The following KATNAL1 variants were observed in gnomAD, a reference collection of about 807,000 sequenced individuals.
KATNAL1 encodes katanin catalytic subunit A1 like 1, also known as katanin p60 ATPase-containing subunit A-like 1.
In KATNAL1, 32 loss-of-function variants were observed where a neutral mutation model predicts 55.2. The ratio of observed to expected loss-of-function variants is 0.58; its 90% CI spans 0.44 to 0.78. The LOEUF is 0.78. Among genes scored for constraint, KATNAL1 ranks in the 30% least tolerant of loss-of-function variants. The probability of loss-of-function intolerance (pLI) is 0.00; values close to 1 mark genes in which losing one functional copy is unlikely to be tolerated. For missense variants in KATNAL1, 466 were observed against 600.9 expected (o/e 0.78, Z 2.35); for synonymous variants, 193 against 193.6 (o/e 1.00, Z 0.02).
intron 4 of KATNAL1, among the ~76,000 whole-genome samples, chr13:30,242,432 T>C (rs1036852768): frequency 1.3e-5 from 2 of 152,206 alleles, no homozygotes; most frequent in Non-Finnish European, 1.5e-5. Flanking sequence ...CATGCTATTG[T>C]GCATTAGGTT....
intron 9 of KATNAL1, 86 bp downstream of exon 9, chr13:30,227,326 G>T: frequency 7.6e-7 from 1 of 1,315,776 alleles, no homozygotes; most frequent in South Asian, 1.5e-5. Context: ...ACTTCTTTAA[G>T]CAGAATGGCA....
chr13:30,231,567 T>TC, intron 6 of KATNAL1, 95 bp from the exon 7 acceptor site: 1 of 755,960 alleles, frequency 1.3e-6, no homozygotes, highest in South Asian at 4.4e-5. Context: ...GATTTTTCCA[T>TC]CAAAAGATAA....
intron 1 of KATNAL1, among the ~76,000 whole-genome samples, chr13:30,284,631 A>C (rs1050922720): frequency 1.3e-5 from 2 of 152,294 alleles, no homozygotes; most frequent in East Asian, 1.9e-4. Flanking sequence ...AAATCTAAGC[A>C]AACACCTATA....
intron 3 of KATNAL1, among the ~76,000 whole-genome samples, chr13:30,264,176 T>C (rs1215510619): frequency 2.0e-5 from 3 of 151,042 alleles, no homozygotes; most frequent in Admixed American, 6.6e-5. Context: ...TAGCCATATG[T>C]AGAAAGCTGA....
At chr13:30,259,378 C>G (rs935901617) in intron 3 of KATNAL1, among the ~76,000 whole-genome samples, 8 of 151,804 alleles carry the variant, frequency 5.3e-5, no homozygotes, top group Non-Finnish European at 1.2e-4. Flanking sequence ...GCCAAGATGG[C>G]CCAATAGGAA....
At chr13:30,291,611 G>C (rs1385146988) in intron 1 of KATNAL1, among the ~76,000 whole-genome samples, 1 of 152,104 alleles carries the variant, frequency 6.6e-6, no homozygotes, top group Non-Finnish European at 1.5e-5. Flanking sequence ...ATAGACAAAA[G>C]TTCTGAAAAA....
chr13:30,271,886 A>AG (rs1213037287), intron 3 of KATNAL1, among the ~76,000 whole-genome samples: 1 of 150,586 alleles, frequency 6.6e-6, no homozygotes, highest in Non-Finnish European at 1.5e-5. Flanking sequence ...AGGAAAAAAA[A>AG]AAAAAAAAAA....
chr13:30,219,423 T>C (rs942768914), intron 9 of KATNAL1, among the ~76,000 whole-genome samples: 10 of 152,154 alleles, frequency 6.6e-5, no homozygotes, highest in African/African-American at 2.4e-4. Flanking sequence ...AGTACACCAG[T>C]CAGAATTTGG....
At chr13:30,286,276 C>G (rs577462214) in intron 1 of KATNAL1, among the ~76,000 whole-genome samples, 1 of 152,340 alleles carries the variant, frequency 6.6e-6, no homozygotes, top group South Asian at 2.1e-4. Flanking sequence ...CCTCCCATCA[C>G]AAGCCCAGAG....
At chr13:30,296,211 A>C in intron 1 of KATNAL1, 5 of 805,086 alleles carry the variant, frequency 6.2e-6, no homozygotes, top group Non-Finnish European at 9.8e-6. Context: ...TCCATGGTGG[A>C]TGGCGCCTTC....
chr13:30,204,520 T>C lies in KATNAL1; in HGVS notation c.*4020A>G, dbSNP rs1318417203. On this transcript the variant is annotated 3_prime_UTR_variant, in exon 11 of 11. Coordinates refer to ENST00000380615, the MANE Select transcript of KATNAL1 (RefSeq NM_032116.5). ...ATTTAGCAGTGTATATAAAAACTTATTCCTAAGGAAGGAATTCAAATGAAC... is the reference window on the plus strand; with the variant it reads ...ATTTAGCAGTGTATATAAAAACTTACTCCTAAGGAAGGAATTCAAATGAAC... 6.6e-6 allele frequency: 1 copy of C among 152,208 alleles called. No individual in the cohort carries two copies. The highest frequency in any genetic ancestry group is 1.5e-5 in the Non-Finnish European group (1 of 68,042). 9.4% of individuals were successfully genotyped at this position (152,208 alleles called of 1,614,324 possible).
chr13:30,277,103 C>A (rs1458165664), intron 3 of KATNAL1, among the ~76,000 whole-genome samples: 1 of 152,128 alleles, frequency 6.6e-6, no homozygotes, highest in East Asian at 1.9e-4. Context: ...ATTTAAAAAG[C>A]CATATCCTCT....
intron 3 of KATNAL1, among the ~76,000 whole-genome samples, chr13:30,268,716 T>C (rs1041034460): frequency 6.6e-6 from 1 of 152,186 alleles, no homozygotes; most frequent in Non-Finnish European, 1.5e-5. Flanking sequence ...TTACCACTAA[T>C]AGAGACCTTG....
At chr13:30,218,694 A>G (rs1485966843) in intron 9 of KATNAL1, among the ~76,000 whole-genome samples, 1 of 152,218 alleles carries the variant, frequency 6.6e-6, no homozygotes, top group East Asian at 1.9e-4. Context: ...CCAGTGGAAC[A>G]ATCACATTTG....
intron 8 of KATNAL1, among the ~76,000 whole-genome samples, chr13:30,229,829 AAACCT>A (rs1875900031): frequency 6.6e-6 from 1 of 152,144 alleles, no homozygotes; most frequent in South Asian, 2.1e-4. Context: ...TGTATGGAAA[AAACCT>A]AAAATTGAAA....
chr13:30,224,342 G>A, intron 9 of KATNAL1, among the ~76,000 whole-genome samples: 1 of 151,964 alleles, frequency 6.6e-6, no homozygotes, highest in Non-Finnish European at 1.5e-5. Flanking sequence ...ACCAGCCTGG[G>A]AAACACGGCA....
Position 30,208,261 on chromosome 13 carries a change from C to T in KATNAL1, c.*279G>A, listed in dbSNP as rs945250824. ...TCTGTATTCCTAAAATATCACACTG[C>T]GCCCTTGCTTCAGCCTCCCTGATAG... On this transcript the variant is annotated 3_prime_UTR_variant, in exon 11 of 11. Coordinates refer to ENST00000380615, the MANE Select transcript of KATNAL1 (RefSeq NM_032116.5). 9 of 287,716 alleles carry T rather than the reference C, an allele frequency of 3.1e-5. No homozygotes were observed. Among genetic ancestry groups the T allele is most frequent in the Non-Finnish European group, 3.8e-5 (6 of 156,322 alleles). 17.8% of individuals were successfully genotyped at this position (287,716 alleles called of 1,614,324 possible). A position where few individuals can be genotyped will look rare whatever the true frequency, so the allele number is the denominator to read the frequency against.
chr13:30,260,092 G>A (rs1220466978), intron 3 of KATNAL1, among the ~76,000 whole-genome samples: 3 of 152,164 alleles, frequency 2.0e-5, no homozygotes, highest in Non-Finnish European at 2.9e-5. Context: ...TAACTGGGAG[G>A]TACCCCCCAG....
Position 30,270,645 on chromosome 13 carries a change from G to C in KATNAL1, c.323+9418C>G, listed in dbSNP as rs535113150. On this transcript the variant is annotated intron_variant, in intron 3 of 10. Transcript: ENST00000380615. Reference sequence around the variant, plus strand: ...CTGTGCTCTCTGAAACATGTGCTGTGTCCACTCAGGGTTAAATGGATTAAG... The same window carrying C: ...CTGTGCTCTCTGAAACATGTGCTGTCTCCACTCAGGGTTAAATGGATTAAG... Among the ~76,000 whole-genome samples the C allele has an allele frequency of 7.2e-5, 11 of 151,778 alleles. No homozygotes were observed. The South Asian group carries it at 2.1e-3, about 29-fold the overall frequency.
Sources: gnomAD v4.1 joint callset for allele counts (sites outside exome capture counted in the v4.1 genomes callset) on GRCh38, gnomAD v4.1.1 for gene constraint, MANE v1.5 for transcripts, NCBI Gene and HGNC (gene_info 2026-07-23, HGNC 2026-07-21) for gene names.